CACNG5: variants seen among roughly 807,000 people sequenced by gnomAD.
The protein encoded by CACNG5 is voltage-dependent calcium channel gamma-5 subunit.
Under a neutral mutation model 24.8 loss-of-function variants are expected in CACNG5, and 18 were observed. The observed-to-expected ratio is 0.73, with a 90% CI of 0.50 to 1.08. The LOEUF (loss-of-function observed/expected upper bound fraction) is 1.08. Among genes scored for constraint, CACNG5 ranks in the 50% least tolerant of loss-of-function variants. CACNG5 has a pLI of 0.00. For synonymous variants in CACNG5, 157 were observed against 149.1 expected (o/e 1.05, Z -0.39); for missense variants, 349 against 367.9 (o/e 0.95, Z 0.42).
chr17:66,863,979 T>C (rs1431230598), intron 1 of CACNG5, among the ~76,000 whole-genome samples: 1 of 152,248 alleles, frequency 6.6e-6, no homozygotes, highest in African/African-American at 2.4e-5. Context: ...GATGTTTTCA[T>C]GCCTCTTGAT....
At chr17:66,855,228 A>C (rs1356331402) in intron 1 of CACNG5, among the ~76,000 whole-genome samples, 2 of 152,150 alleles carry the variant, frequency 1.3e-5, no homozygotes, top group Admixed American at 6.5e-5. Flanking sequence ...ATAAGCTGCA[A>C]TGTTCCCGAT....
chr17:66,871,323 C>T (rs1177642509), intron 1 of CACNG5, among the ~76,000 whole-genome samples: 1 of 152,198 alleles, frequency 6.6e-6, no homozygotes, highest in Admixed American at 6.5e-5. Context: ...AACCTTTTAT[C>T]AAAGCACTCT....
intron 1 of CACNG5, among the ~76,000 whole-genome samples, chr17:66,838,198 G>A (rs1458176377): frequency 6.6e-6 from 1 of 151,690 alleles, no homozygotes; most frequent in Non-Finnish European, 1.5e-5. Context: ...ACCCTGCCTG[G>A]CTGTGCCTCC....
chr17:66,865,796 ATTTTTTTT>A (rs35187215), intron 1 of CACNG5, among the ~76,000 whole-genome samples: 1 of 129,842 alleles, frequency 7.7e-6, no homozygotes, highest in East Asian at 2.3e-4. Flanking sequence ...TGCACGGCTA[ATTTTTTTT>A]TTTTTTTTTT....
intron 1 of CACNG5, among the ~76,000 whole-genome samples, chr17:66,856,448 C>T (rs1473685498): frequency 6.6e-6 from 1 of 151,950 alleles, no homozygotes; most frequent in Non-Finnish European, 1.5e-5. Context: ...AATTATAGTA[C>T]AAAGGGATAT....
At chr17:66,861,930 T>C (rs1976866563) in intron 1 of CACNG5, among the ~76,000 whole-genome samples, 3 of 152,228 alleles carry the variant, frequency 2.0e-5, no homozygotes, top group Admixed American at 1.3e-4. Flanking sequence ...TTCTAAAGGG[T>C]GTTTTGCTTT....
chr17:66,837,307 G>A (rs916183686), intron 1 of CACNG5, among the ~76,000 whole-genome samples: 9 of 152,196 alleles, frequency 5.9e-5, no homozygotes, highest in African/African-American at 2.2e-4. Flanking sequence ...GTAGCTCACA[G>A]ATTGAGCTTG....
At chr17:66,845,227 G>A (rs1035943563) in intron 1 of CACNG5, among the ~76,000 whole-genome samples, 5 of 152,108 alleles carry the variant, frequency 3.3e-5, no homozygotes, top group African/African-American at 1.2e-4. Context: ...TCACTCATAA[G>A]CGGGAGTTGA....
chr17:66,859,396 G>A (rs1347263039), intron 1 of CACNG5, among the ~76,000 whole-genome samples: 1 of 152,118 alleles, frequency 6.6e-6, no homozygotes, highest in Non-Finnish European at 1.5e-5. Context: ...AGAGGTTTGG[G>A]TATGTGTCCT....
chr17:66,880,516 G>T, intron 3 of CACNG5, 41 bp from the exon 4 acceptor site: 2 of 1,613,222 alleles, frequency 1.2e-6, no homozygotes, highest in Non-Finnish European at 1.7e-6. Flanking sequence ...AATGAATCAG[G>T]CCTGGAGGCT....
chr17:66,860,232 T>C (rs76606195), intron 1 of CACNG5, among the ~76,000 whole-genome samples: 8,219 of 152,240 alleles, frequency 0.054, 303 homozygotes, highest in East Asian at 0.087. Flanking sequence ...GCTCCCCCAG[T>C]TTCTAGCTGG....
At chr17:66,881,526 G>A (rs1484522516) in intron 4 of CACNG5, among the ~76,000 whole-genome samples, 4 of 152,150 alleles carry the variant, frequency 2.6e-5, no homozygotes, top group Non-Finnish European at 4.4e-5. Context: ...CTGATGCCAG[G>A]TTGTACTTCA....
intron 1 of CACNG5, among the ~76,000 whole-genome samples, chr17:66,854,222 G>A (rs1334860751): frequency 6.6e-6 from 1 of 152,198 alleles, no homozygotes; most frequent in Non-Finnish European, 1.5e-5. Flanking sequence ...AAGGTCAGGA[G>A]ATCGAGACCA....
chr17:66,849,315 T>TGG (rs1176945856), intron 1 of CACNG5, among the ~76,000 whole-genome samples: 1 of 96,774 alleles, frequency 1.0e-5, no homozygotes, highest in Non-Finnish European at 2.2e-5. Context: ...GGGGCAGGGG[T>TGG]GGGGGGAGCC....
At position 66,893,757 on chromosome 17, in the gene CACNG5, G is replaced by C. The variant is rs2143152303; in HGVS notation, c.*8517G>C. ...CAACCCGGCATTCTGAAGCCCTTCA[G>C]CTGGAGAGGAGGAAGAGATGTTTCA... On this transcript the variant is annotated 3_prime_UTR_variant, in exon 6 of 6. Coordinates refer to ENST00000533854, the MANE Select transcript of CACNG5 (RefSeq NM_145811.3). Among the ~76,000 whole-genome samples, 1 of 147,668 alleles carries C rather than the reference G, an allele frequency of 6.8e-6. No individual in the cohort carries two copies. The highest frequency in any genetic ancestry group is 2.5e-5 in the African/African-American group (1 of 40,370).
In CACNG5 at chr17:66,892,377, C is replaced by G. The variant is rs1977357291; in HGVS notation, c.*7137C>G. 6.6e-6 allele frequency among the ~76,000 whole-genome samples: 1 copy of G among 152,230 alleles called. No individual in the cohort carries two copies. Among genetic ancestry groups the G allele is most frequent in the African/African-American group, 2.4e-5 (1 of 41,470 alleles). On this transcript the variant is annotated 3_prime_UTR_variant, in exon 6 of 6. Transcript: ENST00000533854. The stretch of plus-strand genomic sequence containing the variant: ...AAAGAGGATAGAGAACATTCTGGAG[C>G]CAACGTGTTCTCCAGCCCACTGTCA...
At chr17:66,862,037 C>T (rs1211211948) in intron 1 of CACNG5, among the ~76,000 whole-genome samples, 1 of 152,144 alleles carries the variant, frequency 6.6e-6, no homozygotes, top group Non-Finnish European at 1.5e-5. Flanking sequence ...AGTGTTTCTC[C>T]TGCTGCTGAG....
intron 4 of CACNG5, among the ~76,000 whole-genome samples, chr17:66,881,985 T>G (rs1334067748): frequency 6.6e-6 from 1 of 152,098 alleles, no homozygotes; most frequent in Non-Finnish European, 1.5e-5. Context: ...CTTAGATGGA[T>G]TTTGAGCCAA....
chr17:66,894,632 A>G lies in CACNG5; in HGVS notation c.*9392A>G, dbSNP rs1951869048. Among the ~76,000 whole-genome samples the G allele has an allele frequency of 6.6e-6, 1 of 150,904 alleles. No individual in the cohort carries two copies. The highest frequency in any genetic ancestry group is 1.5e-5 in the Non-Finnish European group (1 of 67,794). On this transcript the variant is annotated 3_prime_UTR_variant, in exon 6 of 6. Coordinates refer to ENST00000533854, the MANE Select transcript of CACNG5 (RefSeq NM_145811.3). ...ATTCATTTTTTTTCCTTCCCCCTCCACCCCATGAGCAACCATTCAGATGTG... is the reference window on the plus strand; with the variant it reads ...ATTCATTTTTTTTCCTTCCCCCTCCGCCCCATGAGCAACCATTCAGATGTG...
Sources: allele counts gnomAD v4.1 joint callset (sites outside exome capture counted in the v4.1 genomes callset), GRCh38; gene constraint gnomAD v4.1.1; transcripts MANE v1.5; gene names NCBI Gene and HGNC (gene_info 2026-07-23, HGNC 2026-07-21).